Variants in ZBTB38 observed in about 807,000 individuals in gnomAD.
ZBTB38 encodes the protein zinc finger and BTB domain containing 38.
Under a neutral mutation model 76.8 loss-of-function variants are expected in ZBTB38, and 20 were observed. That is an observed-to-expected ratio of 0.26 (90% CI 0.18 to 0.38). ZBTB38 has a LOEUF of 0.38. Among genes scored for constraint, ZBTB38 ranks in the 10% least tolerant of loss-of-function variants. The pLI, the probability that ZBTB38 is intolerant of heterozygous loss-of-function variation, is 1.00. For missense variants in ZBTB38, 1,082 were observed against 1,482.3 expected (o/e 0.73, Z 4.43); for synonymous variants, 504 against 544.2 (o/e 0.93, Z 1.03).
chr3:141,437,280 C>G (rs766279978), intron 5 of ZBTB38, among the ~76,000 whole-genome samples: 2 of 152,168 alleles, frequency 1.3e-5, no homozygotes, highest in East Asian at 1.9e-4. Context: ...TCCCTTTTCT[C>G]CTCTTGTCCA....
chr3:141,342,719 C>A (rs1943234325), intron 1 of ZBTB38, among the ~76,000 whole-genome samples: 1 of 146,990 alleles, frequency 6.8e-6, no homozygotes, highest in Non-Finnish European at 1.5e-5. Context: ...AATAAGGTCC[C>A]ATGATCTTTT....
intron 5 of ZBTB38, among the ~76,000 whole-genome samples, chr3:141,435,313 C>G (rs1419626076): frequency 1.3e-5 from 2 of 151,968 alleles, no homozygotes; most frequent in African/African-American, 4.8e-5. Context: ...CTCAAGTGTC[C>G]TGTTTTGGAT....
At position 141,444,485 on chromosome 3, in the gene ZBTB38, C is replaced by T; in HGVS notation, c.2097C>T (p.Ser699=). The part of the protein sequence containing the change: ...GDVPVLSLSN[S]SENAASVISY... ...TACCTGTTTTATCTTTGAGTAATAGCAGTGAGAATGCCGCCTCTGTGATCA... is the reference window on the plus strand; with the variant it reads ...TACCTGTTTTATCTTTGAGTAATAGTAGTGAGAATGCCGCCTCTGTGATCA... The change falls in exon 6 of 6, where the codon AGC becomes AGT. Residue 699 remains serine, a synonymous_variant. Transcript: ENST00000321464. This position sits in a 1 kb window ranked among gnomAD's most constrained non-coding sequence, Gnocchi z 5.1. 4.3e-6 allele frequency: 7 copies of T among 1,614,138 alleles called. No individual in the cohort carries two copies. The highest frequency in any genetic ancestry group is 5.9e-6 in the Non-Finnish European group (7 of 1,180,042).
At chr3:141,411,774 C>G (rs370406523) in intron 5 of ZBTB38, among the ~76,000 whole-genome samples, 1 of 152,204 alleles carries the variant, frequency 6.6e-6, no homozygotes, top group East Asian at 1.9e-4. Context: ...AGCGACTACA[C>G]AGTGTAAAGC....
intron 1 of ZBTB38, among the ~76,000 whole-genome samples, chr3:141,329,220 A>G (rs1466611558): frequency 6.6e-6 from 1 of 152,240 alleles, no homozygotes; most frequent in African/African-American, 2.4e-5. Context: ...TGCCCAGCAC[A>G]TGGCCAGTGC....
intron 4 of ZBTB38, among the ~76,000 whole-genome samples, chr3:141,393,908 C>T (rs1395326688): frequency 6.6e-6 from 1 of 152,148 alleles, no homozygotes; most frequent in Admixed American, 6.5e-5. Flanking sequence ...AATGGCCCCA[C>T]GTTGGCGATT....
chr3:141,417,313 T>C (rs2074287285), intron 5 of ZBTB38, among the ~76,000 whole-genome samples: 1 of 152,178 alleles, frequency 6.6e-6, no homozygotes, highest in Non-Finnish European at 1.5e-5. Flanking sequence ...AGCACTGAAG[T>C]CCATTTTGGA....
chr3:141,325,208 C>G (rs1942636998), intron 1 of ZBTB38, among the ~76,000 whole-genome samples: 1 of 152,110 alleles, frequency 6.6e-6, no homozygotes, highest in South Asian at 2.1e-4. Flanking sequence ...AAATATCTAA[C>G]CTTCCTGCCA....
intron 1 of ZBTB38, among the ~76,000 whole-genome samples, chr3:141,328,211 G>T (rs1041773100): frequency 3.9e-5 from 6 of 152,088 alleles, no homozygotes; most frequent in African/African-American, 1.4e-4. Flanking sequence ...GCTTAAAGGT[G>T]GTGTTTTTCA....
At chr3:141,379,903 T>C (rs1945947181) in intron 2 of ZBTB38, among the ~76,000 whole-genome samples, 1 of 152,270 alleles carries the variant, frequency 6.6e-6, no homozygotes. Context: ...AGTTGAGTTT[T>C]GTTTTTAGTT....
intron 5 of ZBTB38, among the ~76,000 whole-genome samples, chr3:141,432,644 T>C (rs1320517884): frequency 6.6e-6 from 1 of 152,248 alleles, no homozygotes; most frequent in Non-Finnish European, 1.5e-5. Flanking sequence ...AAGAGATTTT[T>C]CAAGATTCGT....
chr3:141,360,542 T>C (rs775333928), intron 1 of ZBTB38, among the ~76,000 whole-genome samples: 1 of 152,226 alleles, frequency 6.6e-6, no homozygotes, highest in Non-Finnish European at 1.5e-5. Context: ...CTCTTATTTA[T>C]GAACATGTAT....
Position 141,446,673 on chromosome 3 carries a change from G to A in ZBTB38, c.*697G>A, listed in dbSNP as rs1182893013. 6.6e-6 allele frequency: 1 copy of A among 152,628 alleles called. No individual in the cohort carries two copies. Among genetic ancestry groups the A allele is most frequent in the Non-Finnish European group, 1.5e-5 (1 of 68,032 alleles). The allele number at this position is 152,628 out of a possible 1,614,324, so 9.5% of individuals were successfully genotyped here. A position where few individuals can be genotyped will look rare whatever the true frequency, so the allele number is the denominator to read the frequency against. ...AGATCTGCAAATAATGAGGACTGAT[G>A]TAAAAATCAATAGAAAGCATTTTGA... On this transcript the variant is annotated 3_prime_UTR_variant, in exon 6 of 6. Transcript: ENST00000321464.
chr3:141,362,112 G>T (rs6790603), intron 1 of ZBTB38, among the ~76,000 whole-genome samples: 9,384 of 152,172 alleles, frequency 0.062, 976 homozygotes, highest in African/African-American at 0.21. Context: ...GCACTTGAAG[G>T]TATTATACTA....
intron 5 of ZBTB38, among the ~76,000 whole-genome samples, chr3:141,412,506 A>G (rs1205259118): frequency 6.6e-6 from 1 of 152,070 alleles, no homozygotes; most frequent in African/African-American, 2.4e-5. Flanking sequence ...CAGTATATTT[A>G]AAGCATAATT....
chr3:141,384,623 C>G (rs995544190), intron 3 of ZBTB38, among the ~76,000 whole-genome samples: 4 of 152,180 alleles, frequency 2.6e-5, no homozygotes, highest in Non-Finnish European at 5.9e-5. Flanking sequence ...CCTTATAACT[C>G]AGCGTGATCA....
chr3:141,380,012 C>A (rs1431922350), intron 2 of ZBTB38, among the ~76,000 whole-genome samples: 1 of 152,180 alleles, frequency 6.6e-6, no homozygotes, highest in African/African-American at 2.4e-5. Context: ...TAACCTATAA[C>A]TATTTTTAAG....
intron 5 of ZBTB38, chr3:141,405,685 G>A (rs771554730): frequency 4.6e-5 from 7 of 152,120 alleles, no homozygotes; most frequent in Non-Finnish European, 8.8e-5. Context: ...CAAATAAAAC[G>A]AATGAGATGT....
rs533368470 is a variant in ZBTB38 at position 141,381,432 on chromosome 3, C to T, written c.-227C>T. The T allele has an allele frequency of 4.6e-5, 7 of 152,470 alleles. No homozygotes were observed. The highest frequency in any genetic ancestry group is 1.7e-4 in the African/African-American group (7 of 41,574). The allele number at this position is 152,470 out of a possible 1,614,324, so 9.4% of individuals were successfully genotyped here. On this transcript the variant is annotated 5_prime_UTR_variant, in exon 3 of 6. Transcript: ENST00000321464. ...GTTCCCTTTTCCTTCCAGCTCTTTC[C>T]TGGAGAGTAACCCCAGTTTGGTCCA...
Sources: gnomAD v4.1 joint callset for allele counts (sites outside exome capture counted in the v4.1 genomes callset) on GRCh38, gnomAD v4.1.1 for gene constraint, Gnocchi (gnomAD v3.1) non-coding constraint, MANE v1.5 for transcripts, NCBI Gene and HGNC (gene_info 2026-07-23, HGNC 2026-07-21) for gene names.